Variants in CHODL observed in about 807,000 individuals in gnomAD.
CHODL encodes chondrolectin, also known as transmembrane protein MT75.
CHODL carries 29 observed loss-of-function variants against 34.5 expected under a neutral mutation model. That is an observed-to-expected ratio of 0.84 (90% CI 0.63 to 1.15). The LOEUF is 1.15. Among genes scored for constraint, CHODL ranks in the 50% most tolerant of loss-of-function variants. The pLI, the probability that CHODL is intolerant of heterozygous loss-of-function variation, is 0.00. For synonymous variants in CHODL, 125 were observed against 116.1 expected, an observed-to-expected ratio of 1.08 and a Z score of -0.49; for missense variants, 332 against 332.5, an observed-to-expected ratio of 1.00 and a Z score of 0.01.
chr21:18,123,717 T>G (rs2065508100), intron 2 of CHODL, among the ~76,000 whole-genome samples: 1 of 152,164 alleles, frequency 6.6e-6, no homozygotes, highest in Admixed American at 6.5e-5. Flanking sequence ...TAATAACTTC[T>G]TAAGGCCTCA....
At chr21:18,188,601 C>A (rs1400991022) in intron 2 of CHODL, among the ~76,000 whole-genome samples, 2 of 152,208 alleles carry the variant, frequency 1.3e-5, no homozygotes, top group Non-Finnish European at 2.9e-5. Flanking sequence ...TCAGAAGCAA[C>A]TTCCTGAATA....
chr21:18,145,445 A>AG (rs1279178138), intron 2 of CHODL, among the ~76,000 whole-genome samples: 1 of 150,898 alleles, frequency 6.6e-6, no homozygotes, highest in Non-Finnish European at 1.5e-5. Context: ...CAAAAAAAAA[A>AG]AAAAAAAAAA....
intron 2 of CHODL, among the ~76,000 whole-genome samples, chr21:18,031,132 G>A (rs1411337789): frequency 6.6e-6 from 1 of 152,026 alleles, no homozygotes; most frequent in African/African-American, 2.4e-5. Context: ...GAATTGGTCT[G>A]GCAATATCTA....
At chr21:17,945,890 C>G (rs558006129) in intron 1 of CHODL, among the ~76,000 whole-genome samples, 2 of 152,098 alleles carry the variant, frequency 1.3e-5, no homozygotes, top group South Asian at 2.1e-4. Context: ...AAGGCTGATA[C>G]AACTGTCAGT....
intron 2 of CHODL, among the ~76,000 whole-genome samples, chr21:18,088,030 C>A (rs1321075800): frequency 6.6e-6 from 1 of 152,110 alleles, no homozygotes; most frequent in African/African-American, 2.4e-5. Context: ...TAAACCAGAT[C>A]TTATGAGAAC....
chr21:18,078,787 G>A (rs2064898066), intron 2 of CHODL, among the ~76,000 whole-genome samples: 2 of 152,046 alleles, frequency 1.3e-5, no homozygotes, highest in Non-Finnish European at 2.9e-5. Flanking sequence ...GTTTATGGAT[G>A]TTGTCTCATT....
chr21:18,184,742 C>A lies in CHODL; in HGVS notation c.-44-71767C>A, dbSNP rs145440205. 1.2e-4 allele frequency among the ~76,000 whole-genome samples: 18 copies of A among 152,238 alleles called. No individual in the cohort carries two copies. The East Asian group carries it at 3.5e-3, about 30-fold the overall frequency. On this transcript the variant is annotated intron_variant, in intron 2 of 6. Transcript: ENST00000400127. Reference sequence around the variant, plus strand: ...TACATCAGGGGCAGAGGTGGGCCAACCTTCTTCTATGTCAACTGGAGACAG... The same window carrying A: ...TACATCAGGGGCAGAGGTGGGCCAAACTTCTTCTATGTCAACTGGAGACAG...
At chr21:18,220,948 T>C (rs2073877651) in intron 2 of CHODL, among the ~76,000 whole-genome samples, 1 of 152,168 alleles carries the variant, frequency 6.6e-6, no homozygotes, top group Non-Finnish European at 1.5e-5. Flanking sequence ...GCAAGACTTA[T>C]GAAGTTTTCA....
At chr21:18,248,927 ATAC>A (rs2074192929) in intron 1 of CHODL, among the ~76,000 whole-genome samples, 1 of 114,254 alleles carries the variant, frequency 8.8e-6, no homozygotes, top group African/African-American at 3.8e-5. Flanking sequence ...ATATATATGT[ATAC>A]ATATATATTA....
At chr21:18,248,233 A>G (rs2074167950) in intron 1 of CHODL, among the ~76,000 whole-genome samples, 1 of 151,830 alleles carries the variant, frequency 6.6e-6, no homozygotes, top group South Asian at 2.1e-4. Flanking sequence ...GAATATTGCA[A>G]ATTCATGGGT....
chr21:18,039,635 T>C (rs1042699296), intron 2 of CHODL, among the ~76,000 whole-genome samples: 1 of 151,730 alleles, frequency 6.6e-6, no homozygotes, highest in Non-Finnish European at 1.5e-5. Context: ...GCTTTGACAA[T>C]ATGGCTTCTG....
chr21:17,934,018 CAA>C (rs1326031829), intron 1 of CHODL, among the ~76,000 whole-genome samples: 3 of 143,296 alleles, frequency 2.1e-5, no homozygotes, highest in Non-Finnish European at 4.5e-5. Flanking sequence ...GTCTAAGTAA[CAA>C]GAGTGAAACT....
intron 2 of CHODL, among the ~76,000 whole-genome samples, chr21:18,028,786 C>T (rs1318159095): frequency 1.3e-5 from 2 of 151,216 alleles, no homozygotes; most frequent in Non-Finnish European, 2.9e-5. Context: ...TAATATACAT[C>T]CAGCAAATAT....
chr21:18,195,712 T>G (rs1025778697), intron 2 of CHODL, among the ~76,000 whole-genome samples: 3 of 152,220 alleles, frequency 2.0e-5, no homozygotes, highest in Non-Finnish European at 4.4e-5. Flanking sequence ...TATAATTTAT[T>G]TACTTGTTTT....
At chr21:18,125,281 C>A (rs2065528307) in intron 2 of CHODL, among the ~76,000 whole-genome samples, 1 of 152,092 alleles carries the variant, frequency 6.6e-6, no homozygotes, top group African/African-American at 2.4e-5. Flanking sequence ...ATTCAGTCAC[C>A]CATTCAGTAA....
intron 2 of CHODL, among the ~76,000 whole-genome samples, chr21:18,156,097 T>C (rs2073031028): frequency 6.6e-6 from 1 of 152,188 alleles, no homozygotes; most frequent in Non-Finnish European, 1.5e-5. Context: ...ACCTTGGACG[T>C]GGGTAGAAAG....
At chr21:17,993,085 TA>T (rs1261005105) in intron 1 of CHODL, among the ~76,000 whole-genome samples, 9 of 152,230 alleles carry the variant, frequency 5.9e-5, no homozygotes, top group Non-Finnish European at 1.2e-4. Flanking sequence ...CCATGTTGAA[TA>T]AAAGTGGTGA....
In CHODL at chr21:17,955,415, C is replaced by G. The variant is rs996651833; in HGVS notation, c.-145+38015C>G. Among the ~76,000 whole-genome samples, 2 of 137,176 alleles carry G rather than the reference C, an allele frequency of 1.5e-5. 1 individual carries two copies. Among genetic ancestry groups the G allele is most frequent in the Non-Finnish European group, 3.3e-5 (2 of 60,310 alleles). 90.0% of individuals were successfully genotyped at this position (137,176 alleles called of 152,430 possible). A position where few individuals can be genotyped will look rare whatever the true frequency, so the allele number is the denominator to read the frequency against. ...TATTGTCATAGATGTAAATACTGTA[C>G]AATTGTTCTACTCCTTTCTCTTGAA... is the stretch of plus-strand genomic sequence containing the variant. On this transcript the variant is annotated intron_variant, in intron 1 of 6. Coordinates refer to the CHODL transcript ENST00000400127.
At chr21:17,920,043 T>C (rs1054126529) in intron 1 of CHODL, among the ~76,000 whole-genome samples, 2 of 152,208 alleles carry the variant, frequency 1.3e-5, no homozygotes. Context: ...CATATCATTA[T>C]CAGCATTTTA....
Sources: allele counts gnomAD v4.1 joint callset (sites outside exome capture counted in the v4.1 genomes callset), GRCh38; gene constraint gnomAD v4.1.1; transcripts MANE v1.5; gene names NCBI Gene and HGNC (gene_info 2026-07-23, HGNC 2026-07-21).